The following ZC3HAV1 variants were observed in gnomAD, a reference collection of about 807,000 sequenced individuals.
ZC3HAV1 encodes the protein zinc finger CCCH-type containing, antiviral 1.
Under a neutral mutation model 86.6 loss-of-function variants are expected in ZC3HAV1, and 41 were observed. That is an observed-to-expected ratio of 0.47 (90% confidence interval 0.37 to 0.61). ZC3HAV1 has a LOEUF of 0.61. Ranked by LOEUF, ZC3HAV1 falls within the 20% of genes least tolerant of loss-of-function variation. The pLI, the probability that ZC3HAV1 is intolerant of heterozygous loss-of-function variation, is 0.00. For synonymous variants in ZC3HAV1, 421 were observed against 432.1 expected (o/e 0.97, Z 0.32); for missense variants, 964 against 1,141.1 (o/e 0.84, Z 2.24).
chr7:139,056,415 CTT>C (rs1312540665), intron 9 of ZC3HAV1, among the ~76,000 whole-genome samples: 1 of 35,984 alleles, frequency 2.8e-5, no homozygotes, highest in African/African-American at 1.1e-4. Flanking sequence ...CTTTTCTTTT[CTT>C]TTTTTTTTTT....
intron 1 of ZC3HAV1, among the ~76,000 whole-genome samples, chr7:139,104,721 C>CAAAA (rs1157897700): frequency 2.8e-3 from 54 of 19,206 alleles, no homozygotes; most frequent in East Asian, 7.8e-3. Flanking sequence ...GACTCTGTCA[C>CAAAA]AAAAAAAAAA....
At chr7:139,097,422 A>ATTTT (rs1563140647) in intron 1 of ZC3HAV1, among the ~76,000 whole-genome samples, 4 of 79,516 alleles carry the variant, frequency 5.0e-5, no homozygotes, top group Admixed American at 1.3e-4. Flanking sequence ...ATATATATAT[A>ATTTT]TATATATTTT....
chr7:139,093,728 G>A (rs1233540259), intron 1 of ZC3HAV1, among the ~76,000 whole-genome samples: 4 of 152,038 alleles, frequency 2.6e-5, no homozygotes, highest in Admixed American at 2.6e-4. Context: ...CTCTCTTTCC[G>A]GACTCAGCCC....
intron 1 of ZC3HAV1, among the ~76,000 whole-genome samples, chr7:139,105,872 A>G (rs371344255): frequency 1.3e-5 from 2 of 152,362 alleles, no homozygotes; most frequent in East Asian, 1.9e-4. Context: ...TTTTTAAAAC[A>G]TAAGTAGGGA....
At chr7:139,066,115 C>G (rs547717581) in intron 7 of ZC3HAV1, among the ~76,000 whole-genome samples, 2 of 152,106 alleles carry the variant, frequency 1.3e-5, no homozygotes, top group Admixed American at 6.5e-5. Context: ...ACTAGAAGTA[C>G]GCCCCTAGCA....
At chr7:139,080,418 C>CG (rs1817095223) in intron 3 of ZC3HAV1, among the ~76,000 whole-genome samples, 175 bp from the exon 4 acceptor site, 2 of 151,976 alleles carry the variant, frequency 1.3e-5, no homozygotes, top group African/African-American at 4.8e-5. Flanking sequence ...TTGACACTGA[C>CG]GGTTTTTTTT....
In ZC3HAV1 at chr7:139,080,234, GAAGAAGGAGCT is replaced by G; in HGVS notation, c.698-2_706del. 6.2e-7 allele frequency: 1 copy of G among 1,613,744 alleles called. No individual in the cohort carries two copies. On this transcript the variant is annotated splice_acceptor_variant and coding_sequence_variant, in exon 4 of 13. Transcript: ENST00000242351. LOFTEE classifies it high-confidence loss of function. ...CCTATATGCCATGTTTCTACGATGT[GAAGAAGGAGCT>G]AAGGGGAAAAAAAGCCAAAATGAAA...
intron 12 of ZC3HAV1, among the ~76,000 whole-genome samples, chr7:139,050,579 A>G (rs1816094105): frequency 6.6e-6 from 1 of 152,184 alleles, no homozygotes; most frequent in South Asian, 2.1e-4. Flanking sequence ...CATGTTGGTC[A>G]GGCTGGTCTC....
chr7:139,109,302 G>T lies in ZC3HAV1; in HGVS notation c.30C>A (p.Ile10=). 6.2e-7 allele frequency: 1 copy of T among 1,608,410 alleles called. No individual in the cohort carries two copies. The highest frequency in any genetic ancestry group is 8.5e-7 in the Non-Finnish European group (1 of 1,178,126). Residue 10 remains isoleucine (I), a synonymous_variant, in exon 1 of 13, where the codon ATC becomes ATA. Transcript: ENST00000242351. MADPEVCCF[I]TKILCAHGGR... Reference sequence around the variant, plus strand: ...CCCCGTGGGCGCACAGGATTTTGGTGATGAAGCAGCACACCTCCGGGTCCG... The same window carrying T: ...CCCCGTGGGCGCACAGGATTTTGGTTATGAAGCAGCACACCTCCGGGTCCG...
intron 1 of ZC3HAV1, among the ~76,000 whole-genome samples, chr7:139,096,088 C>T (rs7811220): frequency 0.25 from 38,154 of 151,922 alleles, 5,052 homozygotes; most frequent in East Asian, 0.42. Flanking sequence ...AATCTCAGCT[C>T]ACCGCAACCT....
chr7:139,097,860 G>A (rs974007040), intron 1 of ZC3HAV1, among the ~76,000 whole-genome samples: 28 of 152,076 alleles, frequency 1.8e-4, no homozygotes, highest in Non-Finnish European at 3.8e-4. Context: ...AGAACCTTTA[G>A]GGCTGATGAA....
At chr7:139,105,071 G>A (rs181254997) in intron 1 of ZC3HAV1, among the ~76,000 whole-genome samples, 2 of 151,172 alleles carry the variant, frequency 1.3e-5, no homozygotes, top group East Asian at 3.9e-4. Context: ...AAAGTTAGCC[G>A]GACATGGTGG....
intron 8 of ZC3HAV1, among the ~76,000 whole-genome samples, chr7:139,063,880 G>A (rs1392266255): frequency 6.6e-6 from 1 of 151,988 alleles, no homozygotes; most frequent in East Asian, 1.9e-4. Context: ...CACTGCACTG[G>A]TACAGACTGG....
rs1319702562 is a variant in ZC3HAV1 at position 139,081,123 on chromosome 7, C to T, written c.698-880G>A. 3.9e-5 allele frequency among the ~76,000 whole-genome samples: 6 copies of T among 151,914 alleles called. No individual in the cohort carries two copies. The South Asian group carries it at 1.0e-3, about 26-fold the overall frequency. ...AGGAGTTAGGGTGTGTTTGTGAGCGCGTGTGGAGTGTGTGTGGCGTGCATG... is the reference window on the plus strand; with the variant it reads ...AGGAGTTAGGGTGTGTTTGTGAGCGTGTGTGGAGTGTGTGTGGCGTGCATG... On this transcript the variant is annotated intron_variant, in intron 3 of 12. Coordinates refer to ENST00000242351, the MANE Select transcript of ZC3HAV1 (RefSeq NM_020119.4).
chr7:139,069,017 A>G (rs776634596), intron 7 of ZC3HAV1, among the ~76,000 whole-genome samples: 8 of 152,088 alleles, frequency 5.3e-5, no homozygotes, highest in Non-Finnish European at 8.8e-5. Context: ...AGGTGTTTCT[A>G]TTGTAAAGGT....
Position 139,061,019 on chromosome 7 carries a change from T to C in ZC3HAV1, c.2096+17A>G, listed in dbSNP as rs747967049. 1 of 1,613,418 alleles carries C rather than the reference T, an allele frequency of 6.2e-7. No homozygotes were observed. The highest frequency in any genetic ancestry group is 8.5e-7 in the Non-Finnish European group (1 of 1,179,914). On this transcript the variant is annotated intron_variant, in intron 9 of 12. Transcript: ENST00000242351. ...TCTCAAGCATCTGTCAGCAAACAGC[T>C]GCTTCAGAACACTTACTCTGGCCCT...
At chr7:139,069,593 T>C (rs368352310) in intron 7 of ZC3HAV1, among the ~76,000 whole-genome samples, 3 of 152,270 alleles carry the variant, frequency 2.0e-5, no homozygotes, top group South Asian at 4.2e-4. Flanking sequence ...CCCTACACCA[T>C]TGCTGCCCAA....
chr7:139,083,465 A>C (rs947831801), intron 3 of ZC3HAV1, among the ~76,000 whole-genome samples: 1 of 152,152 alleles, frequency 6.6e-6, no homozygotes. Context: ...GCAGTGGCTC[A>C]TGCTTGTAAT....
chr7:139,086,665 T>C (rs1006877849), intron 2 of ZC3HAV1, among the ~76,000 whole-genome samples: 1 of 152,184 alleles, frequency 6.6e-6, no homozygotes, highest in Admixed American at 6.5e-5. Flanking sequence ...TCTTGAATTG[T>C]AGTTCCCATA....
Sources: allele counts gnomAD v4.1 joint callset (sites outside exome capture counted in the v4.1 genomes callset), GRCh38; gene constraint gnomAD v4.1.1; transcripts MANE v1.5; gene names NCBI Gene and HGNC (gene_info 2026-07-23, HGNC 2026-07-21).